The following PHF6 variants were observed in gnomAD, a reference collection of about 807,000 sequenced individuals.
The protein encoded by PHF6 is PHD finger protein 6.
PHF6 carries 7 observed loss-of-function variants against 34.0 expected under a neutral mutation model. The ratio of observed to expected loss-of-function variants is 0.21; its 90% CI spans 0.12 to 0.39. The LOEUF (loss-of-function observed/expected upper bound fraction) is 0.39. Ranked by LOEUF, PHF6 falls within the 10% of genes least tolerant of loss-of-function variation. PHF6 has a pLI of 1.00. For missense variants in PHF6, 128 were observed against 262.8 expected, an observed-to-expected ratio of 0.49 and a Z score of 3.55; for synonymous variants, 89 against 88.4, an observed-to-expected ratio of 1.01 and a Z score of -0.04.
At chrX:134,387,252 T>C (rs978800861) in intron 3 of PHF6, among the ~76,000 whole-genome samples, 10 of 112,025 alleles carry the variant, frequency 8.9e-5, no homozygotes, top group Non-Finnish European at 1.7e-4. Flanking sequence ...TGGCTATTAC[T>C]GAATACATTT....
At chrX:134,419,345 A>G (rs1292065875) in intron 9 of PHF6, 3 of 110,463 alleles carry the variant, frequency 2.7e-5, no homozygotes, top group African/African-American at 9.9e-5. Flanking sequence ...CAACAAAGCG[A>G]GACTCTCATC....
intron 3 of PHF6, among the ~76,000 whole-genome samples, chrX:134,380,169 CAG>C (rs1301797030): frequency 2.1e-5 from 2 of 94,633 alleles, no homozygotes; most frequent in East Asian, 6.7e-4. Flanking sequence ...TTTTTTTTGA[CAG>C]AGTCTCGCTC....
At chrX:134,408,068 C>T (rs755058334) in intron 5 of PHF6, among the ~76,000 whole-genome samples, 13 of 111,753 alleles carry the variant, frequency 1.2e-4, no homozygotes, top group Non-Finnish European at 2.4e-4. Flanking sequence ...GCTGGGATTG[C>T]AGGCATGTAC....
Position 134,378,057 on chromosome X carries a change from G to A in PHF6, c.191G>A (p.Gly64Glu). 1 of 1,204,214 alleles carries A rather than the reference G, an allele frequency of 8.3e-7. No homozygotes were observed. Among genetic ancestry groups the A allele is most frequent in the Non-Finnish European group, 1.1e-6 (1 of 891,362 alleles). Reference sequence around the variant, plus strand: ...CACTCTGATAATGAAAGTCTTGGTGGATTTTCTATTGAAGATGTCCAAAAG... The same window carrying A: ...CACTCTGATAATGAAAGTCTTGGTGAATTTTCTATTGAAGATGTCCAAAAG... ...SSHSDNESLG[G>E]FSIEDVQKEI... is the part of the protein sequence containing the mutation. Residue 64 changes from glycine (G) to glutamate (E), a missense_variant, in exon 3 of 11, where the codon GGA (glycine) becomes GAA (glutamate). Transcript: ENST00000370803.
chrX:134,411,301 A>G (rs192486016), intron 5 of PHF6, among the ~76,000 whole-genome samples: 5 of 111,574 alleles, frequency 4.5e-5, no homozygotes, highest in Admixed American at 3.8e-4. Flanking sequence ...AGTCTAATAT[A>G]GTTAAATATA....
At chrX:134,407,933 T>G (rs2077432455) in intron 5 of PHF6, among the ~76,000 whole-genome samples, 1 of 111,460 alleles carries the variant, frequency 9.0e-6, no homozygotes, top group Non-Finnish European at 1.9e-5. Context: ...GATTTTCACT[T>G]TTTTTACATT....
At chrX:134,424,908 G>A (rs886485935) in intron 9 of PHF6, among the ~76,000 whole-genome samples, 3 of 111,644 alleles carry the variant, frequency 2.7e-5, no homozygotes, top group African/African-American at 9.8e-5. Context: ...GTATTTTTAA[G>A]TTGGCCAAAA....
chrX:134,392,954 A>C (rs887838649), intron 3 of PHF6, among the ~76,000 whole-genome samples: 9 of 110,204 alleles, frequency 8.2e-5, no homozygotes, highest in Non-Finnish European at 1.9e-5. Context: ...GCGCCACCAC[A>C]CCCCAGCTAA....
chrX:134,378,226 C>CTT, intron 3 of PHF6, 120 bp downstream of exon 3: 67 of 327,761 alleles, frequency 2.0e-4, no homozygotes, highest in Non-Finnish European at 2.2e-4. Flanking sequence ...GCAGGCTTTT[C>CTT]TTTTTTTTTT....
chrX:134,380,036 C>T (rs2077299628), intron 3 of PHF6, among the ~76,000 whole-genome samples: 1 of 111,784 alleles, frequency 8.9e-6, no homozygotes, highest in South Asian at 3.7e-4. Context: ...CAGTTTTGGT[C>T]CCTAATGTTG....
At chrX:134,420,241 G>A (rs1017474164) in intron 9 of PHF6, 1 of 106,494 alleles carries the variant, frequency 9.4e-6, no homozygotes, top group African/African-American at 3.4e-5. Flanking sequence ...GAGGTCAGGA[G>A]TTTGAGACCA....
At chrX:134,387,852 G>C (rs2124212595) in intron 3 of PHF6, among the ~76,000 whole-genome samples, 1 of 111,383 alleles carries the variant, frequency 9.0e-6, no homozygotes, top group African/African-American at 3.3e-5. Context: ...GGAATTTAAG[G>C]TCCTAATCTG....
rs1052284528 is a variant in PHF6, at chrX:134,373,383, G to A, written c.-131G>A. The A allele has an allele frequency of 6.2e-5, 7 of 112,976 alleles. No individual in the cohort carries two copies. The highest frequency in any genetic ancestry group is 1.9e-4 in the African/African-American group (6 of 31,092). The allele number at this position is 112,976 out of a possible 1,213,427, so 9.3% of individuals were successfully genotyped here. A position where few individuals can be genotyped will look rare whatever the true frequency, so the allele number is the denominator to read the frequency against. On this transcript the variant is annotated 5_prime_UTR_variant, in exon 1 of 11. Transcript: ENST00000370803. The stretch of plus-strand genomic sequence containing the variant: ...CTCCGGCGACAGAGCCCCGCTCTCA[G>A]GCACTGCTGGAGAACCGAGACCGAC...
chrX:134,424,122 GAAAAA>G (rs747841603), intron 9 of PHF6, among the ~76,000 whole-genome samples: 1 of 103,370 alleles, frequency 9.7e-6, no homozygotes, highest in Non-Finnish European at 2.0e-5. Flanking sequence ...AAAAAAAAAA[GAAAAA>G]AAAAACTGAG....
intron 5 of PHF6, among the ~76,000 whole-genome samples, chrX:134,410,082 A>G (rs2077443486): frequency 8.9e-6 from 1 of 111,962 alleles, no homozygotes; most frequent in South Asian, 3.7e-4. Context: ...GCTATAATGA[A>G]TAGTGCTGCG....
chrX:134,417,142 T>TA (rs1342911708), intron 8 of PHF6, 27 bp from the exon 9 acceptor site: 15 of 1,208,516 alleles, frequency 1.2e-5, no homozygotes, highest in Non-Finnish European at 1.6e-5. Flanking sequence ...AAATACGGCT[T>TA]ACGATTATTT....
intron 5 of PHF6, among the ~76,000 whole-genome samples, chrX:134,394,721 A>G (rs1315496476): frequency 9.3e-6 from 1 of 107,899 alleles, no homozygotes; most frequent in Non-Finnish European, 1.9e-5. Flanking sequence ...TTGTATTTTT[A>G]GTAGAGATGG....
chrX:134,382,393 A>C (rs1201092049), intron 3 of PHF6, among the ~76,000 whole-genome samples: 1 of 111,075 alleles, frequency 9.0e-6, no homozygotes, highest in African/African-American at 3.3e-5. Flanking sequence ...ACTTAACTCC[A>C]GTCATCTAGC....
chrX:134,405,816 A>ATAT (rs78613336), intron 5 of PHF6, among the ~76,000 whole-genome samples: 14,705 of 106,115 alleles, frequency 0.14, 980 homozygotes, highest in East Asian at 0.4. Context: ...ATATATATAT[A>ATAT]ATATCAAGTA....
Sources: gnomAD v4.1 joint callset for allele counts (sites outside exome capture counted in the v4.1 genomes callset) on GRCh38, gnomAD v4.1.1 for gene constraint, MANE v1.5 for transcripts, NCBI Gene and HGNC (gene_info 2026-07-23, HGNC 2026-07-21) for gene names.